Variants in GRIA4 observed in about 807,000 individuals in gnomAD.
GRIA4 encodes the protein glutamate ionotropic receptor AMPA type subunit 4.
In GRIA4, 34 loss-of-function variants were observed where a neutral mutation model predicts 104.0. The observed-to-expected ratio is 0.33, with a 90% confidence interval of 0.25 to 0.44. GRIA4 has a LOEUF of 0.44. Ranked by LOEUF, GRIA4 falls within the 20% of genes least tolerant of loss-of-function variation. The pLI, the probability that GRIA4 is intolerant of heterozygous loss-of-function variation, is 1.00. For missense variants in GRIA4, 750 were observed against 1,096.5 expected, an observed-to-expected ratio of 0.68 and a Z score of 4.46; for synonymous variants, 386 against 381.9, an observed-to-expected ratio of 1.01 and a Z score of -0.13.
chr11:105,912,913 T>G, intron 10 of GRIA4: 1 of 979,844 alleles, frequency 1.0e-6, no homozygotes, highest in South Asian at 4.7e-5. Flanking sequence ...TGGAATTGGC[T>G]AGACATTTTA....
intron 4 of GRIA4, among the ~76,000 whole-genome samples, chr11:105,838,926 G>T (rs1261760008): frequency 6.6e-6 from 1 of 152,142 alleles, no homozygotes; most frequent in Non-Finnish European, 1.5e-5. Flanking sequence ...AAACTGACAT[G>T]CAAGCTGCTG....
At chr11:105,947,792 T>C (rs1948353722) in intron 14 of GRIA4, among the ~76,000 whole-genome samples, 2 of 152,224 alleles carry the variant, frequency 1.3e-5, no homozygotes, top group Non-Finnish European at 2.9e-5. Flanking sequence ...GAGACTATTT[T>C]AAGAATTTAA....
At chr11:105,914,311 A>AT (rs1432176649) in intron 10 of GRIA4, among the ~76,000 whole-genome samples, 1 of 151,928 alleles carries the variant, frequency 6.6e-6, no homozygotes, top group Admixed American at 6.6e-5. Context: ...ATCCATTAAG[A>AT]TTTTTTGGAG....
intron 3 of GRIA4, among the ~76,000 whole-genome samples, chr11:105,664,797 G>A (rs770572364): frequency 6.6e-6 from 1 of 151,928 alleles, no homozygotes; most frequent in Non-Finnish European, 1.5e-5. Flanking sequence ...TGCAGATTGA[G>A]AAATATGCTT....
chr11:105,779,444 TA>T (rs956241743), intron 4 of GRIA4, among the ~76,000 whole-genome samples: 2 of 152,064 alleles, frequency 1.3e-5, no homozygotes, highest in African/African-American at 4.8e-5. Context: ...AACTACTTGA[TA>T]TTCCCCTTCC....
intron 6 of GRIA4, among the ~76,000 whole-genome samples, chr11:105,891,866 T>C (rs1418289728): frequency 6.6e-6 from 1 of 152,154 alleles, no homozygotes. Context: ...TCCCTTTTGT[T>C]AACCTTATGA....
chr11:105,780,913 A>G (rs975594068), intron 4 of GRIA4, among the ~76,000 whole-genome samples: 1 of 152,156 alleles, frequency 6.6e-6, no homozygotes, highest in Admixed American at 6.6e-5. Flanking sequence ...ATAGCAGGAT[A>G]CTGTTGTGTC....
chr11:105,813,627 G>A (rs1943262206), intron 4 of GRIA4, among the ~76,000 whole-genome samples: 1 of 152,104 alleles, frequency 6.6e-6, no homozygotes, highest in Non-Finnish European at 1.5e-5. Context: ...ATAAGGCTTT[G>A]AATAAGTGCT....
intron 14 of GRIA4, among the ~76,000 whole-genome samples, chr11:105,945,104 C>T (rs372168270): frequency 9.9e-5 from 15 of 152,202 alleles, no homozygotes; most frequent in African/African-American, 3.6e-4. Flanking sequence ...GAGAACACCC[C>T]AGCATACCCC....
chr11:105,775,498 CA>C (rs1221599041), intron 4 of GRIA4, among the ~76,000 whole-genome samples: 2 of 151,528 alleles, frequency 1.3e-5, no homozygotes, highest in Non-Finnish European at 2.9e-5. Flanking sequence ...AATTTAAAGA[CA>C]AAAATAGGCC....
At chr11:105,881,696 AACAC>A (rs35127883) in intron 5 of GRIA4, among the ~76,000 whole-genome samples, 1 of 150,690 alleles carries the variant, frequency 6.6e-6, no homozygotes, top group Non-Finnish European at 1.5e-5. Context: ...GAAGAAAATA[AACAC>A]ACACACACAC....
intron 3 of GRIA4, among the ~76,000 whole-genome samples, chr11:105,671,726 A>G (rs993273580): frequency 2.1e-5 from 3 of 145,714 alleles, no homozygotes; most frequent in Non-Finnish European, 4.5e-5. Context: ...TTAATTTTAT[A>G]GTCAATATAT....
At chr11:105,721,824 T>C (rs1937842555) in intron 3 of GRIA4, among the ~76,000 whole-genome samples, 1 of 152,118 alleles carries the variant, frequency 6.6e-6, no homozygotes, top group African/African-American at 2.4e-5. Flanking sequence ...TGGCCTGTGA[T>C]TGGACAGCAA....
intron 3 of GRIA4, among the ~76,000 whole-genome samples, chr11:105,618,497 CA>C (rs1950657300): frequency 6.6e-6 from 1 of 151,812 alleles, no homozygotes. Flanking sequence ...TGGGAGGGTG[CA>C]GGGGAAGTGT....
rs570846323 is a variant in GRIA4, at chr11:105,636,791, G to A, written c.247+24357G>A. On this transcript the variant is annotated intron_variant, in intron 3 of 16. Coordinates refer to ENST00000282499, the MANE Select transcript of GRIA4 (RefSeq NM_000829.4). ...TGGAGTGACAGTGTCCCTCAACAGC[G>A]AACCAATTCAAATAAACCACAGAGG... Among the ~76,000 whole-genome samples, 5 of 152,242 alleles carry A rather than the reference G, an allele frequency of 3.3e-5. No individual in the cohort carries two copies. The East Asian group carries it at 7.7e-4, about 24-fold the overall frequency.
intron 4 of GRIA4, among the ~76,000 whole-genome samples, chr11:105,853,714 C>T (rs538016225): frequency 5.8e-4 from 88 of 152,172 alleles, no homozygotes; most frequent in African/African-American, 2.0e-3. Flanking sequence ...CAGATAAGTA[C>T]AGGATTGGTG....
intron 3 of GRIA4, among the ~76,000 whole-genome samples, chr11:105,655,895 G>A (rs1336379741): frequency 6.6e-6 from 1 of 152,038 alleles, no homozygotes; most frequent in Non-Finnish European, 1.5e-5. Context: ...CTAGATCCTT[G>A]AGGAATCCCC....
intron 3 of GRIA4, among the ~76,000 whole-genome samples, chr11:105,616,558 A>AT (rs1487816552): frequency 1.3e-5 from 2 of 151,526 alleles, no homozygotes; most frequent in Non-Finnish European, 3.0e-5. Flanking sequence ...ATAATATAAT[A>AT]TTTTTTTGTT....
intron 13 of GRIA4, among the ~76,000 whole-genome samples, chr11:105,933,261 AT>A (rs1591461152): frequency 6.6e-6 from 1 of 152,190 alleles, no homozygotes; most frequent in South Asian, 2.1e-4. Flanking sequence ...CTAAAAAAAA[AT>A]AAAATAAAAC....
Sources: allele counts gnomAD v4.1 joint callset (sites outside exome capture counted in the v4.1 genomes callset), GRCh38; gene constraint gnomAD v4.1.1; transcripts MANE v1.5; gene names NCBI Gene and HGNC (gene_info 2026-07-23, HGNC 2026-07-21).